Variants in NXPH2 observed in about 807,000 individuals in gnomAD.
The protein encoded by NXPH2 is neurexophilin 2, also known as neurexophilin-2.
NXPH2 carries 5 observed loss-of-function variants against 19.8 expected under a neutral mutation model. The observed-to-expected ratio is 0.25, with a 90% confidence interval of 0.13 to 0.53. The LOEUF (loss-of-function observed/expected upper bound fraction) is 0.53. Ranked by LOEUF, NXPH2 falls within the 20% of genes least tolerant of loss-of-function variation. The pLI, the probability that NXPH2 is intolerant of heterozygous loss-of-function variation, is 0.96. For synonymous variants in NXPH2, 154 were observed against 127.4 expected (o/e 1.21, Z -1.41); for missense variants, 289 against 322.8 (o/e 0.90, Z 0.80).
At chr2:138,723,935 T>TTTC (rs1553483610) in intron 1 of NXPH2, among the ~76,000 whole-genome samples, 2 of 502 alleles carry the variant, frequency 4.0e-3, no homozygotes, top group Admixed American at 0.029. Flanking sequence ...TCATAATTTC[T>TTTC]TTTTTTTTTT....
intron 1 of NXPH2, among the ~76,000 whole-genome samples, chr2:138,745,963 C>T (rs1039496021): frequency 7.2e-5 from 11 of 152,130 alleles, no homozygotes; most frequent in Non-Finnish European, 1.5e-4. Flanking sequence ...CCTAGTCCAC[C>T]AAGAGATGGT....
At chr2:138,709,322 G>A (rs1195092854) in intron 1 of NXPH2, among the ~76,000 whole-genome samples, 1 of 152,118 alleles carries the variant, frequency 6.6e-6, no homozygotes, top group East Asian at 1.9e-4. Flanking sequence ...TTTTATTTTG[G>A]TGAAATAGAG....
intron 1 of NXPH2, among the ~76,000 whole-genome samples, chr2:138,768,708 C>A (rs2104842950): frequency 6.6e-6 from 1 of 152,314 alleles, no homozygotes; most frequent in East Asian, 1.9e-4. Context: ...GAATCAGTTT[C>A]TGTTGCTTGT....
chr2:138,714,348 A>T (rs1237568409), intron 1 of NXPH2, among the ~76,000 whole-genome samples: 1 of 152,188 alleles, frequency 6.6e-6, no homozygotes, highest in African/African-American at 2.4e-5. Flanking sequence ...ACAAATATTT[A>T]TTAAGCTCCT....
intron 1 of NXPH2, among the ~76,000 whole-genome samples, chr2:138,731,163 C>A (rs977846270): frequency 2.6e-5 from 4 of 152,112 alleles, no homozygotes; most frequent in Non-Finnish European, 4.4e-5. Context: ...TTTTTTAGAG[C>A]AGGAACCACT....
intron 1 of NXPH2, among the ~76,000 whole-genome samples, chr2:138,746,860 T>G (rs1681745488): frequency 1.3e-5 from 2 of 152,240 alleles, no homozygotes; most frequent in East Asian, 3.9e-4. Flanking sequence ...AGAAATTTCC[T>G]ATAAAAAAGG....
intron 1 of NXPH2, among the ~76,000 whole-genome samples, chr2:138,718,366 A>G (rs912383265): frequency 6.6e-6 from 1 of 152,218 alleles, no homozygotes; most frequent in Non-Finnish European, 1.5e-5. Flanking sequence ...AGTGGACACT[A>G]AAACTCAAAG....
At chr2:138,728,850 G>T (rs1051531574) in intron 1 of NXPH2, among the ~76,000 whole-genome samples, 2 of 152,136 alleles carry the variant, frequency 1.3e-5, no homozygotes, top group African/African-American at 4.8e-5. Flanking sequence ...CATGACTTCT[G>T]TTTTCATCGT....
At chr2:138,775,953 G>A (rs564948207) in intron 1 of NXPH2, among the ~76,000 whole-genome samples, 1 of 152,248 alleles carries the variant, frequency 6.6e-6, no homozygotes, top group South Asian at 2.1e-4. Context: ...ACTTGAGTGT[G>A]CAGCTATAAT....
chr2:138,750,054 T>C (rs1047492504), intron 1 of NXPH2, among the ~76,000 whole-genome samples: 1 of 152,172 alleles, frequency 6.6e-6, no homozygotes, highest in African/African-American at 2.4e-5. Context: ...AACATCGTTT[T>C]CTTCTCCGTC....
In NXPH2 at chr2:138,670,281, A is replaced by T. The variant is rs66654109; in HGVS notation, c.*641T>A. 6.6e-6 allele frequency among the ~76,000 whole-genome samples: 1 copy of T among 152,116 alleles called. No homozygotes were observed. Among genetic ancestry groups the T allele is most frequent in the African/African-American group, 2.4e-5 (1 of 41,422 alleles). ...CTCAGGGGGAATCATAAGAATGGTG[A>T]CCAACACAGGGCTAAGTGCTCAAAT... On this transcript the variant is annotated 3_prime_UTR_variant, in exon 2 of 2. Coordinates refer to ENST00000272641, the MANE Select transcript of NXPH2 (RefSeq NM_007226.3).
intron 1 of NXPH2, among the ~76,000 whole-genome samples, chr2:138,732,647 G>GT (rs1461519290): frequency 6.6e-6 from 1 of 151,860 alleles, no homozygotes; most frequent in East Asian, 1.9e-4. Context: ...ACACGCTAAG[G>GT]TTTTTTTTCT....
intron 1 of NXPH2, among the ~76,000 whole-genome samples, chr2:138,754,476 G>A (rs1253011190): frequency 6.6e-6 from 1 of 152,114 alleles, no homozygotes; most frequent in Non-Finnish European, 1.5e-5. Flanking sequence ...ACTCAGCAGT[G>A]TGCATTAAAG....
intron 1 of NXPH2, among the ~76,000 whole-genome samples, chr2:138,765,130 A>C (rs1040525604): frequency 4.6e-5 from 7 of 152,198 alleles, no homozygotes; most frequent in Non-Finnish European, 7.3e-5. Flanking sequence ...TGCAGTGAGA[A>C]AGTTCAGTAA....
In NXPH2 at chr2:138,680,066, G is replaced by A. The variant is rs563063191; in HGVS notation, c.52-8401C>T. Among the ~76,000 whole-genome samples, 482 of 152,218 alleles carry A rather than the reference G, an allele frequency of 3.2e-3. 3 individuals are homozygous for A. The highest frequency in any genetic ancestry group is 3.4e-3 in the Middle Eastern group (1 of 294). ...GAATAAGAAAAGGAGGGGCAATGAA[G>A]TCAATCAGGACAAGCAGGGAAGAGC... is the stretch of plus-strand genomic sequence containing the variant. On this transcript the variant is annotated intron_variant, in intron 1 of 1. Transcript: ENST00000272641.
At chr2:138,743,894 T>C (rs1311454153) in intron 1 of NXPH2, among the ~76,000 whole-genome samples, 1 of 149,572 alleles carries the variant, frequency 6.7e-6, no homozygotes, top group African/African-American at 2.5e-5. Context: ...TCATAGCTAC[T>C]GGAGAGGCTG....
In NXPH2 at chr2:138,745,500, G is replaced by C. The variant is rs866457842; in HGVS notation, c.51+34691C>G. Reference sequence around the variant, plus strand: ...CTTTTCTTCTTTTTTTGGCGGGGGGGGGGGGGTGTTGTTTGCATGTTTTTC... The same window carrying C: ...CTTTTCTTCTTTTTTTGGCGGGGGGCGGGGGGTGTTGTTTGCATGTTTTTC... On this transcript the variant is annotated intron_variant, in intron 1 of 1. Transcript: ENST00000272641. Among the ~76,000 whole-genome samples, 252 of 148,468 alleles carry C rather than the reference G, an allele frequency of 1.7e-3. 10 individuals carry two copies. Among genetic ancestry groups the C allele is most frequent in the Middle Eastern group, 3.4e-3 (1 of 294 alleles).
At chr2:138,726,790 T>C (rs1050338920) in intron 1 of NXPH2, among the ~76,000 whole-genome samples, 3 of 152,194 alleles carry the variant, frequency 2.0e-5, no homozygotes, top group Non-Finnish European at 4.4e-5. Flanking sequence ...CATTATCACC[T>C]GAAGCTCACA....
At chr2:138,706,751 TA>T (rs1350462772) in intron 1 of NXPH2, among the ~76,000 whole-genome samples, 1 of 151,696 alleles carries the variant, frequency 6.6e-6, no homozygotes, top group African/African-American at 2.4e-5. Context: ...ATTTTTTTTT[TA>T]AGTAGGCAGG....
Sources: allele counts gnomAD v4.1 joint callset (sites outside exome capture counted in the v4.1 genomes callset), GRCh38; gene constraint gnomAD v4.1.1; transcripts MANE v1.5; gene names NCBI Gene and HGNC (gene_info 2026-07-23, HGNC 2026-07-21).